EIF3L: variants seen among roughly 807,000 people sequenced by gnomAD.
EIF3L encodes eIEF associated protein HSPC021.
In EIF3L, 32 loss-of-function variants were observed where a neutral mutation model predicts 74.6. That is an observed-to-expected ratio of 0.43 (90% confidence interval 0.32 to 0.58). EIF3L has a LOEUF of 0.58. EIF3L is among the 20% of genes least tolerant of loss of function. The pLI, the probability that EIF3L is intolerant of heterozygous loss-of-function variation, is 0.06. For missense variants in EIF3L, 474 were observed against 707.8 expected, an observed-to-expected ratio of 0.67 and a Z score of 3.75; for synonymous variants, 256 against 254.4, an observed-to-expected ratio of 1.01 and a Z score of -0.06.
intron 5 of EIF3L, among the ~76,000 whole-genome samples, chr22:37,861,544 C>T (rs1456531733): frequency 6.6e-6 from 1 of 152,020 alleles, no homozygotes; most frequent in Non-Finnish European, 1.5e-5. Flanking sequence ...ATTAGCCAGG[C>T]GTGGTGGCGT....
chr22:37,864,906 G>A (rs1250997384), intron 7 of EIF3L, among the ~76,000 whole-genome samples: 1 of 152,110 alleles, frequency 6.6e-6, no homozygotes, highest in Non-Finnish European at 1.5e-5. Flanking sequence ...CTGTGCATTG[G>A]TTTCCCCATC....
rs928407551 is a variant in EIF3L, at chr22:37,859,156, C to T, written c.435+416C>T. The stretch of plus-strand genomic sequence containing the variant: ...AGCACAATGCTAGGCACTTAGCACA[C>T]ATCTTCACATATCTAATTCTACTAT... On this transcript the variant is annotated intron_variant, in intron 5 of 12. Coordinates refer to ENST00000652021, the MANE Select transcript of EIF3L (RefSeq NM_016091.4). Among the ~76,000 whole-genome samples the T allele has an allele frequency of 9.2e-5, 14 of 151,708 alleles. No homozygotes were observed. The East Asian group carries it at 2.7e-3, about 29-fold the overall frequency.
At chr22:37,849,923 C>T (rs1925081724) in intron 1 of EIF3L, 92 bp from the exon 2 acceptor site, 3 of 1,412,406 alleles carry the variant, frequency 2.1e-6, no homozygotes, top group Non-Finnish European at 3.0e-6. Context: ...GCCTCTGTAT[C>T]CTTAGCTCTC....
chr22:37,858,657 A>C (rs758892338), intron 4 of EIF3L, 22 bp from the exon 5 acceptor site: 20 of 1,607,180 alleles, frequency 1.2e-5, no homozygotes, highest in Non-Finnish European at 1.6e-5. Context: ...TTAGTGAAGC[A>C]CCCTTCTGCC....
chr22:37,854,550 C>G (rs1056440557), intron 3 of EIF3L, among the ~76,000 whole-genome samples: 2 of 152,220 alleles, frequency 1.3e-5, no homozygotes, highest in African/African-American at 4.8e-5. Context: ...TCATCGCAAC[C>G]TCCGCCTCCT....
At chr22:37,864,396 G>C (rs1256426193) in intron 7 of EIF3L, among the ~76,000 whole-genome samples, 1 of 152,098 alleles carries the variant, frequency 6.6e-6, no homozygotes, top group South Asian at 2.1e-4. Context: ...GAATACAATA[G>C]AACATTTTCA....
intron 5 of EIF3L, among the ~76,000 whole-genome samples, chr22:37,859,381 T>C (rs903841458): frequency 6.9e-5 from 9 of 130,646 alleles, no homozygotes; most frequent in African/African-American, 2.8e-4. Flanking sequence ...TTTCTTTTTT[T>C]TTTTTTTTTT....
intron 10 of EIF3L, 56 bp downstream of exon 10, chr22:37,876,067 A>G: frequency 1.3e-6 from 2 of 1,552,984 alleles, no homozygotes; most frequent in Non-Finnish European, 1.8e-6. Flanking sequence ...GATCCTTGGC[A>G]CCTATGCCAA....
At chr22:37,869,406 C>T (rs1176309743) in intron 7 of EIF3L, among the ~76,000 whole-genome samples, 2 of 152,156 alleles carry the variant, frequency 1.3e-5, no homozygotes, top group Non-Finnish European at 2.9e-5. Context: ...GCTGGGTTTA[C>T]AGGGGTGAGC....
chr22:37,863,701 G>A (rs1925985682), intron 7 of EIF3L, among the ~76,000 whole-genome samples: 1 of 152,134 alleles, frequency 6.6e-6, no homozygotes, highest in Non-Finnish European at 1.5e-5. Context: ...ACAGTGATGT[G>A]CTATTTAAAC....
At chr22:37,885,012 G>A (rs2145845681) in intron 11 of EIF3L, 1 of 149,570 alleles carries the variant, frequency 6.7e-6, no homozygotes, top group South Asian at 2.1e-4. Flanking sequence ...CAACTCCCGG[G>A]GGCTCAGGTG....
intron 7 of EIF3L, among the ~76,000 whole-genome samples, chr22:37,867,680 C>T (rs1301592128): frequency 1.6e-4 from 23 of 148,260 alleles, no homozygotes; most frequent in Admixed American, 1.3e-3. Context: ...AAAAAATCAG[C>T]GCGGTGGTTC....
chr22:37,873,000 T>G (rs1926554698), intron 8 of EIF3L, among the ~76,000 whole-genome samples: 1 of 152,128 alleles, frequency 6.6e-6, no homozygotes, highest in South Asian at 2.1e-4. Flanking sequence ...TTATTTTTAT[T>G]TTTTTTGAGA....
At position 37,849,498 on chromosome 22, in the gene EIF3L, G is replaced by A. The variant is rs745742751; in HGVS notation, c.33+16G>A. 1.9e-6 allele frequency: 3 copies of A among 1,582,414 alleles called. No homozygotes were observed. Among genetic ancestry groups the A allele is most frequent in the Non-Finnish European group, 2.6e-6 (3 of 1,158,442 alleles). ...TGAGTCTGAGGTAAGGTGGCCGTAA[G>A]GGCGCGGTGGGCTCCACGACGGGGT... On this transcript the variant is annotated intron_variant, in intron 1 of 12. Coordinates refer to ENST00000652021, the MANE Select transcript of EIF3L (RefSeq NM_016091.4).
Position 37,863,121 on chromosome 22 carries a change from TA to T in EIF3L, c.505+86del, listed in dbSNP as rs1181606357. On this transcript the variant is annotated intron_variant, in intron 6 of 12. Coordinates refer to ENST00000652021, the MANE Select transcript of EIF3L (RefSeq NM_016091.4). ...CCTCCAGCTTTTTTTTTTTTTTTTTTAAATTAGCAGGATCTTAATGTGTAGG... is the reference window on the plus strand; with the variant it reads ...CCTCCAGCTTTTTTTTTTTTTTTTTTAATTAGCAGGATCTTAATGTGTAGG... The T allele has an allele frequency of 2.4e-4, 257 of 1,061,512 alleles. No homozygotes were observed. In the African/African-American group the frequency reaches 2.6e-3, roughly 11 times the overall value. The allele number at this position is 1,061,512 out of a possible 1,614,324, so 65.8% of individuals were successfully genotyped here.
chr22:37,870,515 C>T (rs1320614922), intron 8 of EIF3L, among the ~76,000 whole-genome samples, 168 bp downstream of exon 8: 1 of 152,076 alleles, frequency 6.6e-6, no homozygotes, highest in East Asian at 1.9e-4. Flanking sequence ...AGTATTTGTG[C>T]TGGGGGCTCT....
chr22:37,856,737 G>A (rs1165313025), intron 4 of EIF3L, among the ~76,000 whole-genome samples: 1 of 151,760 alleles, frequency 6.6e-6, no homozygotes, highest in Non-Finnish European at 1.5e-5. Context: ...CCAGCTACTT[G>A]GGAGGTGGAG....
rs376311700 is a variant in EIF3L at position 37,877,634 on chromosome 22, G to A, written c.1078-40G>A. Reference sequence around the variant, plus strand: ...TGGCAGTGGGGACCTCAGGAAGTCCGTCTCATTTGACCCAGTACCACTCTC... The same window carrying A: ...TGGCAGTGGGGACCTCAGGAAGTCCATCTCATTTGACCCAGTACCACTCTC... On this transcript the variant is annotated intron_variant, in intron 10 of 12. Coordinates refer to ENST00000652021, the MANE Select transcript of EIF3L (RefSeq NM_016091.4). The A allele has an allele frequency of 1.0e-5, 16 of 1,543,152 alleles. No individual in the cohort carries two copies. The East Asian group carries it at 1.4e-4, about 13-fold the overall frequency.
chr22:37,866,522 C>T (rs189354861), intron 7 of EIF3L, among the ~76,000 whole-genome samples: 11 of 152,194 alleles, frequency 7.2e-5, no homozygotes, highest in East Asian at 5.8e-4. Context: ...CACCAGCTCG[C>T]GCCTGTTAAT....
Sources: allele counts gnomAD v4.1 joint callset (sites outside exome capture counted in the v4.1 genomes callset), GRCh38; gene constraint gnomAD v4.1.1; transcripts MANE v1.5; gene names NCBI Gene and HGNC (gene_info 2026-07-23, HGNC 2026-07-21).